The following CA10 variants were observed in gnomAD, a reference collection of about 807,000 sequenced individuals.
CA10 encodes carbonic anhydrase 10 (inactive).
A neutral mutation model predicts 44.2 loss-of-function variants in CA10; 14 were observed. The observed-to-expected ratio is 0.32, with a 90% confidence interval of 0.21 to 0.50. CA10 has a LOEUF of 0.50. Among genes scored for constraint, CA10 ranks in the 20% least tolerant of loss-of-function variants. The pLI is 0.99. For synonymous variants in CA10, 159 were observed against 141.6 expected (o/e 1.12, Z -0.87); for missense variants, 350 against 409.7 (o/e 0.85, Z 1.26).
At chr17:52,062,844 G>C (rs1987427197) in intron 2 of CA10, among the ~76,000 whole-genome samples, 1 of 152,218 alleles carries the variant, frequency 6.6e-6, no homozygotes, top group African/African-American at 2.4e-5. Context: ...CCTCTACTAG[G>C]GCAGTGCCCA....
At position 51,633,526 on chromosome 17, in the gene CA10, A is replaced by G. The variant is rs1912683638; in HGVS notation, c.914T>C (p.Leu305Ser). The G allele has an allele frequency of 6.2e-7, 1 of 1,613,918 alleles. No homozygotes were observed. Among genetic ancestry groups the G allele is most frequent in the African/African-American group, 1.3e-5 (1 of 74,908 alleles). ...RCIRTNINFS[L>S]QGKDCPNNRA... is the part of the protein sequence containing the mutation. ...GTTGTTTGGACAGTCCTTCCCCTGTAAACTGAAGTTGATATTGGTGCGGAT... is the reference window on the plus strand; with the variant it reads ...GTTGTTTGGACAGTCCTTCCCCTGTGAACTGAAGTTGATATTGGTGCGGAT... Residue 305 changes from leucine to serine, a missense_variant, in exon 8 of 9, where the codon TTA becomes TCA. Transcript: ENST00000451037.
chr17:51,863,460 G>A (rs904786580), intron 3 of CA10, among the ~76,000 whole-genome samples: 1 of 152,160 alleles, frequency 6.6e-6, no homozygotes, highest in African/African-American at 2.4e-5. Flanking sequence ...TACCATTGCT[G>A]GGTGAATGTG....
intron 3 of CA10, among the ~76,000 whole-genome samples, chr17:51,786,090 C>G (rs1384119573): frequency 2.0e-5 from 3 of 151,934 alleles, no homozygotes; most frequent in African/African-American, 7.3e-5. Flanking sequence ...AATAAGATTA[C>G]TTTTTTGATT....
chr17:52,085,525 T>C lies in CA10; in HGVS notation c.62-13132A>G, dbSNP rs113261101. 3.1e-3 allele frequency among the ~76,000 whole-genome samples: 477 copies of C among 152,322 alleles called. 1 individual carries two copies. In the Middle Eastern group the frequency reaches 0.041, roughly 13 times the overall value. On this transcript the variant is annotated intron_variant, in intron 1 of 8. Transcript: ENST00000451037. ...GCAAAGCCCTTCAATGACTCCCTAT[T>C]GGTTACACGATAATGTGCAAGTGTT...
intron 1 of CA10, among the ~76,000 whole-genome samples, chr17:52,118,019 A>G (rs1364766614): frequency 1.3e-5 from 2 of 152,200 alleles, no homozygotes; most frequent in Non-Finnish European, 2.9e-5. Flanking sequence ...AAGTAAAAGC[A>G]CAACAAGGTT....
intron 4 of CA10, among the ~76,000 whole-genome samples, chr17:51,694,905 G>A (rs1168418030): frequency 6.6e-6 from 1 of 152,086 alleles, no homozygotes; most frequent in African/African-American, 2.4e-5. Flanking sequence ...ACCATTTATT[G>A]AATAGGAAGT....
intron 1 of CA10, among the ~76,000 whole-genome samples, chr17:52,148,061 C>T (rs1421219854): frequency 6.6e-6 from 1 of 152,166 alleles, no homozygotes; most frequent in African/African-American, 2.4e-5. Flanking sequence ...GTCAGCTACA[C>T]CACAATTCTG....
chr17:51,833,534 C>A (rs1217616520), intron 3 of CA10, among the ~76,000 whole-genome samples: 3 of 152,182 alleles, frequency 2.0e-5, no homozygotes, highest in Admixed American at 6.5e-5. Context: ...TTTGATTAAT[C>A]TTTAATTAAT....
chr17:52,126,073 A>T (rs576941421), intron 1 of CA10, among the ~76,000 whole-genome samples: 3 of 152,322 alleles, frequency 2.0e-5, no homozygotes, highest in Admixed American at 6.5e-5. Flanking sequence ...AGACCAGATT[A>T]AAAAAAGATA....
rs546474626 is a variant in CA10, at chr17:52,141,236, T to C, written c.61+16490A>G. ...TCCTCTGAGAGCAAAGGGAGCTTTATAAATGCAAACCAGCACAAACTGAGG... is the reference window on the plus strand; with the variant it reads ...TCCTCTGAGAGCAAAGGGAGCTTTACAAATGCAAACCAGCACAAACTGAGG... On this transcript the variant is annotated intron_variant, in intron 1 of 8. Transcript: ENST00000451037. 3.2e-4 allele frequency among the ~76,000 whole-genome samples: 48 copies of C among 152,310 alleles called. No individual in the cohort carries two copies. The South Asian group carries it at 8.7e-3, about 28-fold the overall frequency.
chr17:52,069,310 G>T lies in CA10; in HGVS notation c.136+3009C>A, dbSNP rs1383547042. Among the ~76,000 whole-genome samples, 4 of 152,128 alleles carry T rather than the reference G, an allele frequency of 2.6e-5. No individual in the cohort carries two copies. In the East Asian group the frequency reaches 7.7e-4, roughly 29 times the overall value. Reference sequence around the variant, plus strand: ...AAAGAGACCAGAATCACCATTGTTGGTATAAATCTCAGCCAAGAGTAACCC... The same window carrying T: ...AAAGAGACCAGAATCACCATTGTTGTTATAAATCTCAGCCAAGAGTAACCC... On this transcript the variant is annotated intron_variant, in intron 2 of 8. Coordinates refer to ENST00000451037, the MANE Select transcript of CA10 (RefSeq NM_020178.5).
chr17:51,641,166 C>CCT (rs1343396006), intron 6 of CA10, among the ~76,000 whole-genome samples: 3,743 of 24,282 alleles, frequency 0.15, 132 homozygotes, highest in South Asian at 0.31. Flanking sequence ...CTCTCTCTCT[C>CCT]CTCTCTCTCT....
intron 3 of CA10, among the ~76,000 whole-genome samples, chr17:51,873,994 T>C (rs1979934877): frequency 1.3e-5 from 2 of 152,236 alleles, no homozygotes; most frequent in African/African-American, 2.4e-5. Context: ...GTGTTCTTAA[T>C]AAATCTGAGT....
Position 51,643,903 on chromosome 17 carries a change from T to C in CA10, c.634+5279A>G, listed in dbSNP as rs566884169. ...CCAACCATCTCAACGTCAGCATTAA[T>C]ATCTTCCTCTTACAGATCGGGGAGG... On this transcript the variant is annotated intron_variant, in intron 6 of 8. Transcript: ENST00000451037. 3.9e-5 allele frequency among the ~76,000 whole-genome samples: 6 copies of C among 152,344 alleles called. No individual in the cohort carries two copies. The South Asian group carries it at 1.0e-3, about 26-fold the overall frequency.
At chr17:52,083,461 A>G (rs1172675771) in intron 1 of CA10, among the ~76,000 whole-genome samples, 1 of 152,172 alleles carries the variant, frequency 6.6e-6, no homozygotes, top group Non-Finnish European at 1.5e-5. Context: ...CAGTTTTTTA[A>G]ATACAGATAT....
chr17:51,906,790 C>G (rs1015720783), intron 3 of CA10, among the ~76,000 whole-genome samples: 1 of 152,152 alleles, frequency 6.6e-6, no homozygotes, highest in East Asian at 1.9e-4. Flanking sequence ...GGGCCATTCA[C>G]TCAATGACTA....
In CA10 at chr17:51,800,491, G is replaced by A. The variant is rs550343970; in HGVS notation, c.280-52673C>T. Among the ~76,000 whole-genome samples the A allele has an allele frequency of 3.2e-3, 493 of 152,216 alleles. 2 individuals carry two copies. Among genetic ancestry groups the A allele is most frequent in the Non-Finnish European group, 5.5e-3 (373 of 68,008 alleles). ...ACCTGAAATGGAAGAATTTTATGGT[G>A]TCTCAATAAACCTTCTATAAAAAAA... On this transcript the variant is annotated intron_variant, in intron 3 of 8. Coordinates refer to ENST00000451037, the MANE Select transcript of CA10 (RefSeq NM_020178.5).
At chr17:52,070,432 A>G (rs1987650613) in intron 2 of CA10, 1 of 152,202 alleles carries the variant, frequency 6.6e-6, no homozygotes. Flanking sequence ...TTTAATCCTC[A>G]GCAAACCTCA....
intron 1 of CA10, among the ~76,000 whole-genome samples, chr17:52,155,003 A>G (rs979222339): frequency 4.6e-5 from 7 of 152,228 alleles, no homozygotes; most frequent in Non-Finnish European, 8.8e-5. Context: ...TAAGCTACAA[A>G]GCGCCAATGT....
Sources: gnomAD v4.1 joint callset for allele counts (sites outside exome capture counted in the v4.1 genomes callset) on GRCh38, gnomAD v4.1.1 for gene constraint, MANE v1.5 for transcripts, NCBI Gene and HGNC (gene_info 2026-07-23, HGNC 2026-07-21) for gene names.